KRT84: variants seen among roughly 807,000 people sequenced by gnomAD.
KRT84 encodes the protein keratin 84.
Under a neutral mutation model 49.0 loss-of-function variants are expected in KRT84, and 38 were observed. That is an observed-to-expected ratio of 0.78 (90% CI 0.60 to 1.02). KRT84 has a LOEUF of 1.02. KRT84 is among the 50% of genes least tolerant of loss of function. The pLI is 0.00. For missense variants in KRT84, 860 were observed against 788.6 expected (o/e 1.09, Z -1.08); for synonymous variants, 334 against 312.8 (o/e 1.07, Z -0.72).
At chr12:52,379,994 T>C in intron 7 of KRT84, 87 bp from the exon 8 acceptor site, 4 of 1,173,222 alleles carry the variant, frequency 3.4e-6, no homozygotes, top group Non-Finnish European at 3.8e-6. Context: ...CTTGTTTGAG[T>C]AGATCTGTGG....
In KRT84 at chr12:52,383,805, C is replaced by G. The variant is rs908141390; in HGVS notation, c.547-7G>C. On this transcript the variant is annotated splice_polypyrimidine_tract_variant and splice_region_variant and intron_variant, in intron 1 of 8. Coordinates refer to ENST00000257951, the MANE Select transcript of KRT84 (RefSeq NM_033045.4). ...GCTGCTCTAGGAACCGAACCTAAAT[C>G]CACAGGGCACAGAAATGGCATTTGA... The G allele has an allele frequency of 6.2e-7, 1 of 1,609,066 alleles. No homozygotes were observed. Among genetic ancestry groups the G allele is most frequent in the Non-Finnish European group, 8.5e-7 (1 of 1,176,654 alleles).
At chr12:52,381,605 G>C (rs1592147470) in intron 4 of KRT84, 80 bp from the exon 5 acceptor site, 2 of 1,407,474 alleles carry the variant, frequency 1.4e-6, no homozygotes, top group East Asian at 4.6e-5. Flanking sequence ...GGCCCAGGAA[G>C]TGGTGCCAGG....
In KRT84 at chr12:52,383,751, G is replaced by A; in HGVS notation, c.594C>T (p.Ser198=). 6.2e-7 allele frequency: 1 copy of A among 1,613,890 alleles called. No homozygotes were observed. Among genetic ancestry groups the A allele is most frequent in the Non-Finnish European group, 8.5e-7 (1 of 1,179,816 alleles). The change falls in exon 2 of 9, where the codon AGC becomes AGT. Residue 198 remains serine (S), a synonymous_variant. Transcript: ENST00000257951. ...QQNKLLETKW[S]FLQEQKCIRS... is the part of the protein sequence containing the mutation. ...TGATACATTTCTGCTCTTGGAGGAA[G>A]CTCCACTTGGTCTCTAGGAGCTTAT... is the stretch of plus-strand genomic sequence containing the variant.
upstream of KRT84, among the ~76,000 whole-genome samples, chr12:52,386,913 A>G (rs1010657531): frequency 8.5e-5 from 13 of 152,124 alleles, no homozygotes; most frequent in African/African-American, 2.4e-5. Context: ...TTCCACTTGG[A>G]AGGGGATGTA....
chr12:52,383,556 T>A (rs1468124314), intron 2 of KRT84, 34 bp downstream of exon 2: 1 of 1,525,008 alleles, frequency 6.6e-7, no homozygotes, highest in Non-Finnish European at 8.9e-7. Flanking sequence ...AGGCCTGGCC[T>A]GTCACTGGTC....
intron 1 of KRT84, among the ~76,000 whole-genome samples, chr12:52,384,236 C>T (rs1939536091): frequency 7.8e-6 from 1 of 128,724 alleles, no homozygotes; most frequent in South Asian, 2.7e-4. Flanking sequence ...AAGTCCTATC[C>T]AACATCGCAG....
chr12:52,385,572 G>GA lies in KRT84; in HGVS notation c.13dup (p.Ser5PhefsTer48). 1 of 1,613,162 alleles carries GA rather than the reference G, an allele frequency of 6.2e-7. No individual in the cohort carries two copies. ...CCGGTGACCAGAGCTGACTCGGTAG[G>GA]AGCGGCAAGACATGATGGCTTCCTG... is the stretch of plus-strand genomic sequence containing the variant. On this transcript the variant is annotated frameshift_variant, in exon 1 of 9. Transcript: ENST00000257951. LOFTEE classifies it high-confidence loss of function.
At chr12:52,382,935 T>A in intron 3 of KRT84, 70 bp downstream of exon 3, 5 of 1,349,502 alleles carry the variant, frequency 3.7e-6, no homozygotes, top group Non-Finnish European at 5.3e-6. Flanking sequence ...CCTGAGCAGT[T>A]TCCTGGGGAG....
upstream of KRT84, chr12:52,385,720 A>G: frequency 1.1e-6 from 1 of 887,200 alleles, no homozygotes; most frequent in African/African-American, 1.7e-5. Context: ...CATAAAAATG[A>G]AAAAATCCAT....
chr12:52,379,886 T>C lies in KRT84; in HGVS notation c.1446A>G (p.Pro482=), dbSNP rs749928414. 6.2e-7 allele frequency: 1 copy of C among 1,611,900 alleles called. No individual in the cohort carries two copies. The highest frequency in any genetic ancestry group is 8.5e-7 in the Non-Finnish European group (1 of 1,178,022). ...AAACAAGTTTCTTACATATGTTTAC[T>C]GGTCCAACACCTTCACAGAGCCTGG... ...EESRLCEGVG[P]VNISVSSSRG... is the part of the protein sequence containing the mutation. The change falls in exon 8 of 9, where the codon CCA becomes CCG. Residue 482 remains proline, a synonymous_variant. Coordinates refer to ENST00000257951, the MANE Select transcript of KRT84 (RefSeq NM_033045.4).
chr12:52,379,928 A>C, intron 7 of KRT84, 21 bp from the exon 8 acceptor site: 1 of 1,603,050 alleles, frequency 6.2e-7, no homozygotes, highest in East Asian at 2.2e-5. Context: ...GAAGAAACAA[A>C]TCATTTCACA....
At chr12:52,380,632 C>A in intron 6 of KRT84, 49 bp from the exon 7 acceptor site, 1 of 1,521,442 alleles carries the variant, frequency 6.6e-7, no homozygotes, top group South Asian at 1.2e-5. Context: ...CCAGGGCATC[C>A]CCAGGTTGGG....
At chr12:52,379,086 G>C (rs1315102127) in intron 8 of KRT84, among the ~76,000 whole-genome samples, 1 of 152,164 alleles carries the variant, frequency 6.6e-6, no homozygotes, top group Admixed American at 6.5e-5. Context: ...ACCACTCACC[G>C]CCTCCATGGG....
chr12:52,381,564 C>G, intron 4 of KRT84, 39 bp from the exon 5 acceptor site: 1 of 1,601,292 alleles, frequency 6.2e-7, no homozygotes, highest in Non-Finnish European at 8.5e-7. Flanking sequence ...TGCTTAGAGT[C>G]TCATTTAGTA....
At chr12:52,382,084 G>A (rs1273999237) in intron 4 of KRT84, among the ~76,000 whole-genome samples, 1 of 152,168 alleles carries the variant, frequency 6.6e-6, no homozygotes, top group Non-Finnish European at 1.5e-5. Context: ...AAAGACAGCT[G>A]GTTTGGCTAA....
intron 1 of KRT84, 128 bp downstream of exon 1, chr12:52,384,912 G>A: frequency 1.0e-6 from 1 of 974,832 alleles, no homozygotes; most frequent in Non-Finnish European, 1.5e-6. Context: ...GCCTGAGGTA[G>A]GCACTTGAAA....
Position 52,381,398 on chromosome 12 carries a change from C to T in KRT84, c.1040G>A (p.Arg347His), listed in dbSNP as rs146876431. Residue 347 changes from arginine (R) to histidine (H), a missense_variant, in exon 5 of 9, where the codon CGC (arginine) becomes CAC (histidine). Coordinates refer to ENST00000257951, the MANE Select transcript of KRT84 (RefSeq NM_033045.4). Reference protein sequence around the residue: ...VKAQYEEVARRSRADAEAWYQ... With the variant: ...VKAQYEEVARHSRADAEAWYQ... ...CCAGGCCTCAGCATCAGCCCGGCTGCGCCTGGCCACCTCCTCATACTGGGC... is the reference window on the plus strand; with the variant it reads ...CCAGGCCTCAGCATCAGCCCGGCTGTGCCTGGCCACCTCCTCATACTGGGC... The T allele has an allele frequency of 1.1e-4, 180 of 1,614,210 alleles. 2 individuals carry two copies. The highest frequency in any genetic ancestry group is 9.6e-4 in the East Asian group (43 of 44,882).
At position 52,385,165 on chromosome 12, in the gene KRT84, T is replaced by G; in HGVS notation, c.421A>C (p.Thr141Pro). The change falls in exon 1 of 9, where the codon ACT (threonine) becomes CCT (proline). Residue 141 changes from threonine to proline, a missense_variant. Coordinates refer to ENST00000257951, the MANE Select transcript of KRT84 (RefSeq NM_033045.4). ...VPAAPSITAVTVNKSLLTPLN... is the reference protein window; with the variant it reads ...VPAAPSITAVPVNKSLLTPLN... ...GGGGTCAGTAGGCTCTTGTTCACAG[T>G]CACAGCTGTGATAGATGGGGCTGCT... The G allele has an allele frequency of 6.2e-7, 1 of 1,604,278 alleles. No individual in the cohort carries two copies. Among genetic ancestry groups the G allele is most frequent in the South Asian group, 1.1e-5 (1 of 89,394 alleles).
chr12:52,380,086 A>T (rs548196277), intron 7 of KRT84, among the ~76,000 whole-genome samples, 179 bp from the exon 8 acceptor site: 4 of 152,334 alleles, frequency 2.6e-5, no homozygotes, highest in Admixed American at 2.6e-4. Context: ...CAAAACCATT[A>T]GATTAAAATA....
Sources: allele counts gnomAD v4.1 joint callset (sites outside exome capture counted in the v4.1 genomes callset), GRCh38; gene constraint gnomAD v4.1.1; transcripts MANE v1.5; gene names NCBI Gene and HGNC (gene_info 2026-07-23, HGNC 2026-07-21).